The following METTL16 variants were observed in gnomAD, a reference collection of about 807,000 sequenced individuals.
The protein encoded by METTL16 is RNA N(6)-adenosine-methyltransferase METTL16.
A neutral mutation model predicts 57.9 loss-of-function variants in METTL16; 19 were observed. That is an observed-to-expected ratio of 0.33 (90% CI 0.23 to 0.48). The LOEUF is 0.48. METTL16 is among the 20% of genes least tolerant of loss of function. METTL16 has a pLI of 0.99. For synonymous variants in METTL16, 246 were observed against 255.6 expected (o/e 0.96, Z 0.36); for missense variants, 434 against 691.5 (o/e 0.63, Z 4.18).
chr17:2,477,161 G>T (rs1597462143), intron 3 of METTL16, among the ~76,000 whole-genome samples: 1 of 151,854 alleles, frequency 6.6e-6, no homozygotes, highest in African/African-American at 2.4e-5. Flanking sequence ...GGCAACACGA[G>T]ACCCCATCTC....
intron 8 of METTL16, among the ~76,000 whole-genome samples, chr17:2,422,034 G>A (rs1054900315): frequency 6.6e-6 from 1 of 152,128 alleles, no homozygotes; most frequent in African/African-American, 2.4e-5. Context: ...GGCACCTGCC[G>A]GGCGCGGTGG....
chr17:2,492,220 CAAAT>C (rs761126163), intron 2 of METTL16, among the ~76,000 whole-genome samples: 14 of 151,980 alleles, frequency 9.2e-5, no homozygotes, highest in East Asian at 3.9e-4. Context: ...CAAAAATAAA[CAAAT>C]AAATAAATAA....
chr17:2,505,262 G>A (rs1707387383), intron 1 of METTL16, among the ~76,000 whole-genome samples: 1 of 151,276 alleles, frequency 6.6e-6, no homozygotes, highest in Non-Finnish European at 1.5e-5. Flanking sequence ...ACAATATTAT[G>A]TTAGCCAAAA....
chr17:2,472,843 G>C (rs1402743007), intron 4 of METTL16, among the ~76,000 whole-genome samples: 1 of 152,102 alleles, frequency 6.6e-6, no homozygotes, highest in South Asian at 2.1e-4. Flanking sequence ...GGGGTTGGGG[G>C]CAGTGAGAGA....
chr17:2,498,936 T>C (rs2067466972), intron 2 of METTL16, among the ~76,000 whole-genome samples: 1 of 151,632 alleles, frequency 6.6e-6, no homozygotes, highest in Admixed American at 6.6e-5. Flanking sequence ...TCAGTTCCCC[T>C]CTGCCCAGTA....
At position 2,502,190 on chromosome 17, in the gene METTL16, C is replaced by G. The variant is rs1161759641; in HGVS notation, c.128+14G>C. 1.9e-6 allele frequency: 3 copies of G among 1,610,410 alleles called. No individual in the cohort carries two copies. The highest frequency in any genetic ancestry group is 2.2e-5 in the South Asian group (2 of 90,566). ...TCACACAAGAATAACAGTGATTTTT[C>G]ATCCGTTACCTACCTCACTCTTCCA... On this transcript the variant is annotated intron_variant, in intron 2 of 9. Transcript: ENST00000263092.
intron 6 of METTL16, among the ~76,000 whole-genome samples, chr17:2,445,247 A>T (rs1163478817): frequency 6.6e-6 from 1 of 152,058 alleles, no homozygotes; most frequent in Non-Finnish European, 1.5e-5. Flanking sequence ...GGTATTCAAT[A>T]CCATGCTGTA....
intron 2 of METTL16, among the ~76,000 whole-genome samples, chr17:2,492,897 C>CAAAAAAAAA (rs56853674): frequency 4.0e-5 from 3 of 75,894 alleles, no homozygotes; most frequent in African/African-American, 1.0e-4. Context: ...GACTCCGTCT[C>CAAAAAAAAA]AAAAAAAAAA....
chr17:2,423,399 C>T (rs1036954158), intron 8 of METTL16, among the ~76,000 whole-genome samples: 3 of 152,084 alleles, frequency 2.0e-5, no homozygotes, highest in South Asian at 2.1e-4. Flanking sequence ...GAGACAAATT[C>T]ATATTGACAT....
rs576206174 is a variant in METTL16, at chr17:2,430,278, A to AT, written c.888+7830dup. Among the ~76,000 whole-genome samples the AT allele has an allele frequency of 3.3e-3, 475 of 145,234 alleles. 4 individuals carry two copies. In the South Asian group the frequency reaches 0.043, roughly 13 times the overall value. On this transcript the variant is annotated intron_variant, in intron 8 of 9. Coordinates refer to ENST00000263092, the MANE Select transcript of METTL16 (RefSeq NM_024086.4). ...CAGGCGCATACCACCACTCCTGGCT[A>AT]TTTTTTTTTTTCATAGAGACAGCGC... is the stretch of plus-strand genomic sequence containing the variant.
intron 5 of METTL16, among the ~76,000 whole-genome samples, chr17:2,467,324 A>G (rs1253501353): frequency 1.3e-5 from 2 of 152,212 alleles, no homozygotes; most frequent in Non-Finnish European, 2.9e-5. Flanking sequence ...GACCAGCTTG[A>G]GCAACACAGC....
intron 4 of METTL16, among the ~76,000 whole-genome samples, chr17:2,472,556 G>A (rs1317792871): frequency 2.0e-5 from 3 of 152,000 alleles, no homozygotes; most frequent in Non-Finnish European, 2.9e-5. Flanking sequence ...CCTTCAATAG[G>A]TGAATGGAGA....
At chr17:2,504,764 G>A (rs963300449) in intron 1 of METTL16, among the ~76,000 whole-genome samples, 6 of 151,986 alleles carry the variant, frequency 3.9e-5, no homozygotes, top group African/African-American at 7.3e-5. Context: ...TAGAGACAGG[G>A]TCTCCCTTTG....
At chr17:2,492,285 G>T (rs1031850391) in intron 2 of METTL16, among the ~76,000 whole-genome samples, 4 of 152,158 alleles carry the variant, frequency 2.6e-5, no homozygotes, top group Non-Finnish European at 5.9e-5. Context: ...TGACAGTGCT[G>T]AACTAAATTG....
At chr17:2,486,340 C>T (rs1220846428) in intron 2 of METTL16, among the ~76,000 whole-genome samples, 4 of 151,550 alleles carry the variant, frequency 2.6e-5, no homozygotes, top group Non-Finnish European at 4.4e-5. Context: ...GGCGAGATCT[C>T]GGCTCATTGC....
intron 8 of METTL16, among the ~76,000 whole-genome samples, chr17:2,434,544 A>G (rs763617354): frequency 2.6e-5 from 4 of 152,214 alleles, no homozygotes; most frequent in East Asian, 3.8e-4. Flanking sequence ...GACACTTTCA[A>G]CAAATAAATC....
chr17:2,498,323 A>C (rs1047595816), intron 2 of METTL16, among the ~76,000 whole-genome samples: 1 of 151,328 alleles, frequency 6.6e-6, no homozygotes, highest in Non-Finnish European at 1.5e-5. Flanking sequence ...GAGGCAGGAG[A>C]ATCTCTTGAA....
chr17:2,442,689 C>T (rs1252687545), intron 6 of METTL16, among the ~76,000 whole-genome samples: 3 of 152,048 alleles, frequency 2.0e-5, no homozygotes, highest in African/African-American at 7.2e-5. Context: ...GAGGGGACGT[C>T]CCGCAGGTCC....
chr17:2,511,076 C>T lies in METTL16; in HGVS notation c.-1+683G>A, dbSNP rs1443392093. 3.3e-5 allele frequency among the ~76,000 whole-genome samples: 5 copies of T among 151,900 alleles called. No homozygotes were observed. In the East Asian group the frequency reaches 7.7e-4, roughly 23 times the overall value. ...TGATTGAAACCACGATAGAACTCTT[C>T]CCTGTCTGGACCACCGACACAAAGC... On this transcript the variant is annotated intron_variant, in intron 1 of 9. Coordinates refer to ENST00000263092, the MANE Select transcript of METTL16 (RefSeq NM_024086.4).
Sources: allele counts gnomAD v4.1 joint callset (sites outside exome capture counted in the v4.1 genomes callset), GRCh38; gene constraint gnomAD v4.1.1; transcripts MANE v1.5; gene names NCBI Gene and HGNC (gene_info 2026-07-23, HGNC 2026-07-21).